Variants in GRIN3A observed in about 807,000 individuals in gnomAD.
GRIN3A encodes the protein glutamate ionotropic receptor NMDA type subunit 3A, also known as glutamate receptor ionotropic, NMDA 3A.
GRIN3A carries 47 observed loss-of-function variants against 92.4 expected under a neutral mutation model. The observed-to-expected ratio is 0.51, with a 90% confidence interval of 0.40 to 0.65. The LOEUF is 0.65. Among genes scored for constraint, GRIN3A ranks in the 30% least tolerant of loss-of-function variants. GRIN3A has a pLI of 0.00. For missense variants in GRIN3A, 1,324 were observed against 1,393.1 expected (o/e 0.95, Z 0.79); for synonymous variants, 527 against 540.6 (o/e 0.97, Z 0.35).
intron 1 of GRIN3A, among the ~76,000 whole-genome samples, chr9:101,707,157 C>T (rs1829824004): frequency 6.6e-6 from 1 of 152,150 alleles, no homozygotes; most frequent in African/African-American, 2.4e-5. Context: ...GCAAAATTTC[C>T]CAGCAGTAAG....
chr9:101,711,470 A>C (rs7043125), intron 1 of GRIN3A, among the ~76,000 whole-genome samples: 21,939 of 152,150 alleles, frequency 0.14, 3,455 homozygotes, highest in African/African-American at 0.39. Context: ...AAAACCTTGA[A>C]GAGGGGAGAC....
intron 6 of GRIN3A, among the ~76,000 whole-genome samples, chr9:101,596,262 T>C (rs985777088): frequency 1.3e-5 from 2 of 152,190 alleles, no homozygotes. Context: ...TATAAACAAA[T>C]GATAATCCAT....
At chr9:101,622,838 A>G (rs761161092) in intron 5 of GRIN3A, among the ~76,000 whole-genome samples, 6 of 152,090 alleles carry the variant, frequency 3.9e-5, no homozygotes, top group Non-Finnish European at 8.8e-5. Context: ...TGTAAAATGT[A>G]ATCATTCTAG....
rs188943796 is a variant in GRIN3A, at chr9:101,641,730, T to C, written c.2353-13329A>G. On this transcript the variant is annotated intron_variant, in intron 3 of 8. Transcript: ENST00000361820. ...TACCAACATGGCACATGTATACATA[T>C]GTAACAAACCTGCACATTGTGCACA... is the stretch of plus-strand genomic sequence containing the variant. Among the ~76,000 whole-genome samples the C allele has an allele frequency of 4.5e-3, 679 of 151,204 alleles. 8 individuals are homozygous for C. The highest frequency in any genetic ancestry group is 0.014 in the African/African-American group (561 of 41,110).
At chr9:101,675,898 T>C (rs1829388951) in intron 2 of GRIN3A, among the ~76,000 whole-genome samples, 1 of 152,014 alleles carries the variant, frequency 6.6e-6, no homozygotes, top group Non-Finnish European at 1.5e-5. Context: ...CTATTTTTAC[T>C]TTTTGTAACT....
At chr9:101,615,852 A>C (rs1452470298) in intron 5 of GRIN3A, among the ~76,000 whole-genome samples, 1 of 152,116 alleles carries the variant, frequency 6.6e-6, no homozygotes, top group Non-Finnish European at 1.5e-5. Context: ...AGGGAGGAAA[A>C]ACACATTGAT....
intron 6 of GRIN3A, among the ~76,000 whole-genome samples, chr9:101,612,979 A>T (rs1344029069): frequency 2.6e-5 from 4 of 152,234 alleles, no homozygotes; most frequent in Non-Finnish European, 5.9e-5. Context: ...TAAGTTAGCA[A>T]TGTTTTGATT....
At chr9:101,594,485 C>T (rs1254045172) in intron 6 of GRIN3A, 3 of 1,614,156 alleles carry the variant, frequency 1.9e-6, no homozygotes, top group South Asian at 1.1e-5. Context: ...GGATATCTTC[C>T]CATCGCCATC....
chr9:101,685,843 A>G (rs1490592982), intron 2 of GRIN3A, among the ~76,000 whole-genome samples: 3 of 151,930 alleles, frequency 2.0e-5, no homozygotes, highest in Non-Finnish European at 4.4e-5. Flanking sequence ...TCTATCTATC[A>G]ATCATCAATC....
At chr9:101,590,336 T>C (rs1828005555) in intron 6 of GRIN3A, among the ~76,000 whole-genome samples, 2 of 151,032 alleles carry the variant, frequency 1.3e-5, no homozygotes, top group Admixed American at 6.6e-5. Context: ...TCCTCTACCA[T>C]AATGACACTC....
At position 101,670,626 on chromosome 9, in the gene GRIN3A, C is replaced by T. The variant is rs777855692; in HGVS notation, c.1786G>A (p.Asp596Asn). ...TTTCCATCCCCTACAATATAGAGGT[C>T]GAAGTCAAAGTTCATGTCTTCTGCT... is the stretch of plus-strand genomic sequence containing the variant. ...KIAEDMNFDF[D>N]LYIVGDGKYG... Residue 596 changes from aspartate to asparagine, a missense_variant, in exon 3 of 9, where the codon GAC (aspartate) becomes AAC (asparagine). Coordinates refer to ENST00000361820, the MANE Select transcript of GRIN3A (RefSeq NM_133445.3). 51 of 1,613,850 alleles carry T rather than the reference C, an allele frequency of 3.2e-5. No individual in the cohort carries two copies. Among genetic ancestry groups the T allele is most frequent in the South Asian group, 8.8e-5 (8 of 91,080 alleles).
At chr9:101,666,136 T>C (rs1829233641) in intron 3 of GRIN3A, among the ~76,000 whole-genome samples, 1 of 151,902 alleles carries the variant, frequency 6.6e-6, no homozygotes, top group Non-Finnish European at 1.5e-5. Flanking sequence ...GGACTCCTTA[T>C]TCATGGTGCA....
chr9:101,723,288 G>C (rs919812658), intron 1 of GRIN3A, among the ~76,000 whole-genome samples: 1 of 151,996 alleles, frequency 6.6e-6, no homozygotes, highest in African/African-American at 2.4e-5. Context: ...TCATGGTCTC[G>C]CTGGCTCGGG....
intron 1 of GRIN3A, among the ~76,000 whole-genome samples, chr9:101,699,507 A>T (rs1829728744): frequency 6.6e-6 from 1 of 152,234 alleles, no homozygotes; most frequent in African/African-American, 2.4e-5. Flanking sequence ...CATGAATGTT[A>T]TGCAGCACAT....
rs142550830 is a variant in GRIN3A, at chr9:101,710,259, T to C, written c.700-23059A>G. ...GCTCTAAGTCTCAACTATCAAAAAA[T>C]CTTAAATGACAGATAGTAGCTATTT... On this transcript the variant is annotated intron_variant, in intron 1 of 8. Coordinates refer to ENST00000361820, the MANE Select transcript of GRIN3A (RefSeq NM_133445.3). 1.4e-3 allele frequency among the ~76,000 whole-genome samples: 210 copies of C among 152,244 alleles called. 1 individual carries two copies. The highest frequency in any genetic ancestry group is 5.0e-3 in the African/African-American group (206 of 41,544).
chr9:101,638,156 C>T (rs1201889518), intron 3 of GRIN3A, among the ~76,000 whole-genome samples: 1 of 152,178 alleles, frequency 6.6e-6, no homozygotes, highest in Non-Finnish European at 1.5e-5. Flanking sequence ...GGATGTACCT[C>T]GGTATTTTTC....
At chr9:101,692,574 A>C (rs1315238641) in intron 1 of GRIN3A, among the ~76,000 whole-genome samples, 1 of 152,200 alleles carries the variant, frequency 6.6e-6, no homozygotes, top group African/African-American at 2.4e-5. Flanking sequence ...GAACCAAATG[A>C]GCTAGGTCAA....
At chr9:101,718,033 C>T (rs1829968742) in intron 1 of GRIN3A, among the ~76,000 whole-genome samples, 1 of 152,178 alleles carries the variant, frequency 6.6e-6, no homozygotes, top group Admixed American at 6.5e-5. Context: ...GGGCCTTGCA[C>T]TCTTTTAGGT....
intron 4 of GRIN3A, among the ~76,000 whole-genome samples, chr9:101,624,235 T>C: frequency 6.6e-6 from 1 of 152,066 alleles, no homozygotes; most frequent in East Asian, 1.9e-4. Context: ...TATTTTATTA[T>C]TATTATACTT....
Sources: gnomAD v4.1 joint callset for allele counts (sites outside exome capture counted in the v4.1 genomes callset) on GRCh38, gnomAD v4.1.1 for gene constraint, MANE v1.5 for transcripts, NCBI Gene and HGNC (gene_info 2026-07-23, HGNC 2026-07-21) for gene names.